The following GFI1B variants were observed in gnomAD, a reference collection of about 807,000 sequenced individuals.
GFI1B encodes growth factor independent 1B transcriptional repressor.
A neutral mutation model predicts 35.3 loss-of-function variants in GFI1B; 20 were observed. The ratio of observed to expected loss-of-function variants is 0.57; its 90% confidence interval spans 0.40 to 0.82. The LOEUF is 0.82. Among genes scored for constraint, GFI1B ranks in the 40% least tolerant of loss-of-function variants. GFI1B has a pLI of 0.00. For missense variants in GFI1B, 430 were observed against 446.3 expected (o/e 0.96, Z 0.33); for synonymous variants, 178 against 177.6 (o/e 1.00, Z -0.02).
At chr9:132,958,072 A>C (rs1404712242) in intron 1 of GFI1B, among the ~76,000 whole-genome samples, 2 of 152,136 alleles carry the variant, frequency 1.3e-5, no homozygotes, top group African/African-American at 4.8e-5. Context: ...GGGTCATGTG[A>C]AGGTGTTTGA....
At chr9:132,970,747 G>A (rs577798798) in intron 1 of GFI1B, among the ~76,000 whole-genome samples, 2 of 152,292 alleles carry the variant, frequency 1.3e-5, no homozygotes, top group East Asian at 3.9e-4. Flanking sequence ...GTCTGGCCCA[G>A]GGTAAGCTTC....
At position 132,967,534 on chromosome 9, in the gene GFI1B, G is replaced by C. The variant is rs116015883; in HGVS notation, c.-700-5191G>C. On this transcript the variant is annotated intron_variant, in intron 1 of 10. Transcript: ENST00000339463. ...ACTTGTCTGGATCCTGATTCTAAAA[G>C]AGGAACTATCAAAGAAAACTGGGGG... Among the ~76,000 whole-genome samples, 582 of 152,272 alleles carry C rather than the reference G, an allele frequency of 3.8e-3. 8 individuals carry two copies. The highest frequency in any genetic ancestry group is 0.014 in the African/African-American group (564 of 41,542).
chr9:132,970,870 C>T (rs1380100903), intron 1 of GFI1B, among the ~76,000 whole-genome samples: 3 of 152,028 alleles, frequency 2.0e-5, no homozygotes, highest in Admixed American at 6.6e-5. Flanking sequence ...GGGCGGTAAC[C>T]AAATGTCAGG....
At chr9:132,988,603 C>A in intron 4 of GFI1B, 135 bp downstream of exon 4, 1 of 822,318 alleles carries the variant, frequency 1.2e-6, no homozygotes, top group Non-Finnish European at 1.9e-6. Context: ...AACGTTCATC[C>A]TCATCACCAT....
At position 132,969,565 on chromosome 9, in the gene GFI1B, T is replaced by C. The variant is rs1312945424; in HGVS notation, c.-700-3160T>C. ...AGACACTTGGGTTGCCTCTACCTTT[T>C]GGCTGATGTAAATAACACTACTGTG... On this transcript the variant is annotated intron_variant, in intron 1 of 10. Transcript: ENST00000339463. Among the ~76,000 whole-genome samples the C allele has an allele frequency of 1.4e-4, 21 of 152,346 alleles. 1 individual carries two copies. The highest frequency in any genetic ancestry group is 1.5e-5 in the Non-Finnish European group (1 of 68,030).
chr9:132,982,702 TA>T (rs8192998), intron 1 of GFI1B, among the ~76,000 whole-genome samples: 23 of 146,358 alleles, frequency 1.6e-4, no homozygotes, highest in East Asian at 8.5e-4. Context: ...GTTTTTTCTT[TA>T]AAAAAAAAAC....
intron 1 of GFI1B, among the ~76,000 whole-genome samples, chr9:132,968,434 A>T (rs1167404381): frequency 1.3e-5 from 2 of 152,092 alleles, no homozygotes; most frequent in Non-Finnish European, 2.9e-5. Context: ...CAATATATGT[A>T]TTTTTAACAT....
chr9:132,955,856 C>T (rs1470748510), intron 1 of GFI1B, among the ~76,000 whole-genome samples: 1 of 148,598 alleles, frequency 6.7e-6, no homozygotes, highest in Non-Finnish European at 1.5e-5. Flanking sequence ...GGAATTGATG[C>T]ACATGATTTT....
intron 1 of GFI1B, chr9:132,953,171 C>T (rs1207387882): frequency 6.6e-6 from 1 of 152,138 alleles, no homozygotes; most frequent in Non-Finnish European, 1.5e-5. Flanking sequence ...TCTTTTTCAG[C>T]CTCCTTTTGG....
chr9:132,990,370 CTCAT>C (rs1192464902), intron 6 of GFI1B, among the ~76,000 whole-genome samples: 1 of 151,888 alleles, frequency 6.6e-6, no homozygotes, highest in East Asian at 1.9e-4. Flanking sequence ...CATTTGTTCA[CTCAT>C]TCATTCATTT....
upstream of GFI1B, among the ~76,000 whole-genome samples, chr9:132,977,842 A>G (rs1243898523): frequency 1.3e-5 from 2 of 152,144 alleles, no homozygotes; most frequent in East Asian, 3.9e-4. Context: ...GGCAGCACAC[A>G]CGGGCTCTGG....
chr9:132,976,004 T>A (rs942930799), upstream of GFI1B, among the ~76,000 whole-genome samples: 1 of 152,130 alleles, frequency 6.6e-6, no homozygotes, highest in African/African-American at 2.4e-5. Context: ...GGAACCTGGG[T>A]GGCTTCATCT....
intron 2 of GFI1B, 70 bp from the exon 3 acceptor site, chr9:132,987,212 G>T: frequency 6.6e-7 from 1 of 1,518,634 alleles, no homozygotes; most frequent in Non-Finnish European, 9.0e-7. Flanking sequence ...GGAAGGGCGT[G>T]CCCTCCTTGC....
rs11243970 is a variant in GFI1B at position 132,983,379 on chromosome 9, T to C, written c.-20-3280T>C. On this transcript the variant is annotated intron_variant, in intron 1 of 6. Coordinates refer to ENST00000372122, the MANE Select transcript of GFI1B (RefSeq NM_001377304.1). ...GCCCGGCTAATTTTTGTATTTTTTGTAGAGACGAGGTTTCACTGTGTTGGC... is the reference window on the plus strand; with the variant it reads ...GCCCGGCTAATTTTTGTATTTTTTGCAGAGACGAGGTTTCACTGTGTTGGC... Among the ~76,000 whole-genome samples, 29 of 152,168 alleles carry C rather than the reference T, an allele frequency of 1.9e-4. No individual in the cohort carries two copies. In the East Asian group the frequency reaches 2.1e-3, roughly 11 times the overall value.
Position 132,962,280 on chromosome 9 carries a change from G to T in GFI1B, c.-700-10445G>T, listed in dbSNP as rs1002854094. On this transcript the variant is annotated intron_variant, in intron 1 of 10. Coordinates refer to the GFI1B transcript ENST00000339463. ...AGCCTCCCAAGTAGCTGGGGCCACAGATGCGAGCCACCATGCCTGGCTAAT... is the reference window on the plus strand; with the variant it reads ...AGCCTCCCAAGTAGCTGGGGCCACATATGCGAGCCACCATGCCTGGCTAAT... 1.4e-4 allele frequency among the ~76,000 whole-genome samples: 22 copies of T among 151,872 alleles called. 2 individuals carry two copies.
chr9:132,955,511 C>T (rs1848268776), intron 1 of GFI1B, among the ~76,000 whole-genome samples: 1 of 152,100 alleles, frequency 6.6e-6, no homozygotes, highest in African/African-American at 2.4e-5. Flanking sequence ...AGGCTGGTCT[C>T]GAACTCCTGG....
chr9:132,948,900 G>T (rs923719249), intron 1 of GFI1B, among the ~76,000 whole-genome samples: 1 of 152,206 alleles, frequency 6.6e-6, no homozygotes, highest in Non-Finnish European at 1.5e-5. Context: ...CGCTAAGCAT[G>T]TCCTCTCCCT....
intron 1 of GFI1B, among the ~76,000 whole-genome samples, chr9:132,961,590 CA>C (rs1310527891): frequency 4.1e-5 from 6 of 147,834 alleles, no homozygotes; most frequent in Middle Eastern, 3.5e-3. Context: ...AAATACCTCT[CA>C]TTTTTTTTTT....
In GFI1B at chr9:132,988,439, G is replaced by A. The variant is rs1849162800; in HGVS notation, c.481G>A (p.Asp161Asn). The change falls in exon 4 of 7, where the codon GAT becomes AAT. Residue 161 changes from aspartate (D) to asparagine (N), a missense_variant. By Grantham distance (23) the Asp-to-Asn change is conservative (BLOSUM62 1). Coordinates refer to ENST00000372122, the MANE Select transcript of GFI1B (RefSeq NM_001377304.1). ...CAGCCTCCGCTACTCCCCAGGCATG[G>A]ATGCGTACCACTGTGTGAAGTGCAA... The part of the protein sequence containing the change: ...DFSLRYSPGM[D>N]AYHCVKCNKV... 1.2e-6 allele frequency: 2 copies of A among 1,613,794 alleles called. No individual in the cohort carries two copies. Among genetic ancestry groups the A allele is most frequent in the Non-Finnish European group, 8.5e-7 (1 of 1,180,026 alleles).
Sources: gnomAD v4.1 joint callset for allele counts (sites outside exome capture counted in the v4.1 genomes callset) on GRCh38, gnomAD v4.1.1 for gene constraint, MANE v1.5 for transcripts, NCBI Gene and HGNC (gene_info 2026-07-23, HGNC 2026-07-21) for gene names.